TRIM33: variants seen among roughly 807,000 people sequenced by gnomAD.
TRIM33 encodes tripartite motif containing 33.
TRIM33 carries 20 observed loss-of-function variants against 125.4 expected under a neutral mutation model. The observed-to-expected ratio is 0.16, with a 90% CI of 0.11 to 0.23. The LOEUF (loss-of-function observed/expected upper bound fraction) is 0.23. TRIM33 is among the 10% of genes least tolerant of loss of function. The pLI is 1.00. For synonymous variants in TRIM33, 564 were observed against 513.9 expected, an observed-to-expected ratio of 1.10 and a Z score of -1.32; for missense variants, 920 against 1,411.4, an observed-to-expected ratio of 0.65 and a Z score of 5.58.
intron 1 of TRIM33, among the ~76,000 whole-genome samples, chr1:114,475,809 C>T (rs1244675370): frequency 6.6e-6 from 1 of 152,086 alleles, no homozygotes; most frequent in Non-Finnish European, 1.5e-5. Context: ...AAGGATCCAG[C>T]CTAGGCAACA....
At chr1:114,433,791 A>AGATTTATGATTAAG (rs1648114676) in intron 4 of TRIM33, 58 bp from the exon 5 acceptor site, 2 of 1,081,410 alleles carry the variant, frequency 1.8e-6, no homozygotes, top group Non-Finnish European at 2.8e-6. Flanking sequence ...AGATTTTGGA[A>AGATTTATGATTAAG]ATAAAGAACA....
At chr1:114,468,686 AAAG>A (rs1268792738) in intron 1 of TRIM33, 2 of 444,036 alleles carry the variant, frequency 4.5e-6, no homozygotes, top group Non-Finnish European at 9.0e-6. Context: ...TTGGCAATAA[AAAG>A]AAGAAAAAGA....
chr1:114,490,084 C>CAAAA (rs776451339), intron 1 of TRIM33, among the ~76,000 whole-genome samples: 32 of 37,510 alleles, frequency 8.5e-4, no homozygotes, highest in Non-Finnish European at 9.8e-4. Flanking sequence ...GACTCCGTCT[C>CAAAA]AAAAAAAAAA....
At chr1:114,508,048 C>G (rs1039022768) in intron 1 of TRIM33, among the ~76,000 whole-genome samples, 2 of 152,068 alleles carry the variant, frequency 1.3e-5, no homozygotes, top group Admixed American at 1.3e-4. Context: ...ACCTGGGAGG[C>G]AGAGGCTGCA....
At chr1:114,438,581 T>A (rs1648454949) in intron 4 of TRIM33, among the ~76,000 whole-genome samples, 2 of 152,226 alleles carry the variant, frequency 1.3e-5, no homozygotes, top group Non-Finnish European at 2.9e-5. Flanking sequence ...TATCTTAACA[T>A]GCATTCTCTC....
chr1:114,427,847 G>A lies in TRIM33; in HGVS notation c.1203C>T (p.Asp401=), dbSNP rs1647689672. ...RQMKLLQQQN[D]ITGLSRQVKH... ...TCACCTGCCGGGAAAGGCCTGTGAT[G>A]TCATTCTGCTGCTGTAGTAACTTCA... The change falls in exon 7 of 20, where the codon GAC becomes GAT. Residue 401 remains aspartate (D), a synonymous_variant. Coordinates refer to ENST00000358465, the MANE Select transcript of TRIM33 (RefSeq NM_015906.4). 1.9e-6 allele frequency: 3 copies of A among 1,614,114 alleles called. No individual in the cohort carries two copies. Among genetic ancestry groups the A allele is most frequent in the Non-Finnish European group, 2.5e-6 (3 of 1,179,976 alleles).
chr1:114,440,875 TGAG>T (rs1040860259), intron 4 of TRIM33, among the ~76,000 whole-genome samples: 1 of 152,212 alleles, frequency 6.6e-6, no homozygotes, highest in Non-Finnish European at 1.5e-5. Context: ...ATGGAATATG[TGAG>T]GAGATTACTG....
intron 11 of TRIM33, among the ~76,000 whole-genome samples, chr1:114,418,725 GT>G (rs1653087583): frequency 6.6e-6 from 1 of 151,946 alleles, no homozygotes; most frequent in African/African-American, 2.4e-5. Context: ...ATCTTTTGAG[GT>G]TTCTCGCATG....
At position 114,395,540 on chromosome 1, in the gene TRIM33, T is replaced by C. The variant is rs559338399; in HGVS notation, c.*2108A>G. 3 of 202,106 alleles carry C rather than the reference T, an allele frequency of 1.5e-5. No individual in the cohort carries two copies. In the South Asian group the frequency reaches 5.7e-4, roughly 38 times the overall value. 12.5% of individuals were successfully genotyped at this position (202,106 alleles called of 1,614,324 possible). A position where few individuals can be genotyped will look rare whatever the true frequency, so the allele number is the denominator to read the frequency against. On this transcript the variant is annotated 3_prime_UTR_variant, in exon 20 of 20. Coordinates refer to ENST00000358465, the MANE Select transcript of TRIM33 (RefSeq NM_015906.4). Reference sequence around the variant, plus strand: ...TCAAAGGCCTGACAAAATGAAGTTATACTGCTGCTATTCCTCACTTTCCAA... The same window carrying C: ...TCAAAGGCCTGACAAAATGAAGTTACACTGCTGCTATTCCTCACTTTCCAA...
chr1:114,502,011 G>A (rs1270321718), intron 1 of TRIM33, among the ~76,000 whole-genome samples: 1 of 152,108 alleles, frequency 6.6e-6, no homozygotes, highest in Non-Finnish European at 1.5e-5. Flanking sequence ...AGAGACAGAG[G>A]TTAATTTATC....
intron 15 of TRIM33, chr1:114,404,857 A>T (rs1466905907): frequency 7.0e-6 from 1 of 142,568 alleles, no homozygotes; most frequent in African/African-American, 2.6e-5. Context: ...AGCTGGGTTT[A>T]CCCCAAGAAT....
intron 8 of TRIM33, among the ~76,000 whole-genome samples, chr1:114,426,078 T>C (rs547739924): frequency 2.0e-5 from 3 of 152,334 alleles, no homozygotes; most frequent in East Asian, 3.9e-4. Flanking sequence ...ATACTCAAGA[T>C]TGCCAATACT....
chr1:114,425,442 T>C lies in TRIM33; in HGVS notation c.1695+7A>G. 6.2e-7 allele frequency: 1 copy of C among 1,613,442 alleles called. No homozygotes were observed. The highest frequency in any genetic ancestry group is 8.5e-7 in the Non-Finnish European group (1 of 1,179,590). ...TTCTATCAATAATGTAGTAACACGATACTTACCTGTTGTTGTAACATCTGA... is the reference window on the plus strand; with the variant it reads ...TTCTATCAATAATGTAGTAACACGACACTTACCTGTTGTTGTAACATCTGA... On this transcript the variant is annotated splice_region_variant and intron_variant, in intron 9 of 19. Transcript: ENST00000358465.
chr1:114,469,496 G>T (rs1268557044), intron 1 of TRIM33, among the ~76,000 whole-genome samples: 3 of 152,202 alleles, frequency 2.0e-5, no homozygotes, highest in Non-Finnish European at 4.4e-5. Flanking sequence ...AGAGAGATGT[G>T]ATATGGGGTA....
chr1:114,413,264 A>G (rs987629285), intron 11 of TRIM33, among the ~76,000 whole-genome samples: 4 of 152,206 alleles, frequency 2.6e-5, no homozygotes, highest in African/African-American at 9.7e-5. Context: ...CTGACATGAA[A>G]AAGTCCAAAA....
At chr1:114,509,790 T>TA (rs1419893526) in intron 1 of TRIM33, among the ~76,000 whole-genome samples, 1 of 152,226 alleles carries the variant, frequency 6.6e-6, no homozygotes, top group African/African-American at 2.4e-5. Context: ...TTTCTCCTGT[T>TA]AGACTGTGAA....
At chr1:114,503,053 C>T (rs1316919280) in intron 1 of TRIM33, among the ~76,000 whole-genome samples, 1 of 152,182 alleles carries the variant, frequency 6.6e-6, no homozygotes, top group Admixed American at 6.5e-5. Context: ...TTTTAATACC[C>T]TTTTCAGATC....
At position 114,427,854 on chromosome 1, in the gene TRIM33, T is replaced by C. The variant is rs572724839; in HGVS notation, c.1196A>G (p.Gln399Arg). ...KERQMKLLQQ[Q>R]NDITGLSRQV... ...CCGGGAAAGGCCTGTGATGTCATTC[T>C]GCTGCTGTAGTAACTTCATCTGTCT... The change falls in exon 7 of 20, where the codon CAG becomes CGG. Residue 399 changes from glutamine to arginine, a missense_variant. By Grantham distance (43) the Gln-to-Arg change is conservative (BLOSUM62 1). Around this residue, in one of 8 missense-constraint regions of TRIM33, gnomAD observed 50 missense variants for 110.8 expected, o/e 0.45. Coordinates refer to ENST00000358465, the MANE Select transcript of TRIM33 (RefSeq NM_015906.4). 1 of 1,614,190 alleles carries C rather than the reference T, an allele frequency of 6.2e-7. No individual in the cohort carries two copies. The highest frequency in any genetic ancestry group is 1.1e-5 in the South Asian group (1 of 91,088).
At position 114,413,624 on chromosome 1, in the gene TRIM33, A is replaced by T. The variant is rs1652738363; in HGVS notation, c.2062-3308T>A. Among the ~76,000 whole-genome samples the T allele has an allele frequency of 2.2e-5, 3 of 136,742 alleles. No homozygotes were observed. The Admixed American group carries it at 2.2e-4, about 10-fold the overall frequency. 89.7% of individuals were successfully genotyped at this position (136,742 alleles called of 152,430 possible). Reference sequence around the variant, plus strand: ...TGAAAAGAAAAAGTCCAAAAGCAAAACTGTAAAAAAAAAAAAAAAAAAAAA... The same window carrying T: ...TGAAAAGAAAAAGTCCAAAAGCAAATCTGTAAAAAAAAAAAAAAAAAAAAA... On this transcript the variant is annotated intron_variant, in intron 11 of 19. Transcript: ENST00000358465.
Sources: gnomAD v4.1 joint callset for allele counts (sites outside exome capture counted in the v4.1 genomes callset) on GRCh38, gnomAD v4.1.1 for gene constraint, gnomAD v4.1.1 regional missense constraint, MANE v1.5 for transcripts, NCBI Gene and HGNC (gene_info 2026-07-23, HGNC 2026-07-21) for gene names.